Variants in ALDH1A1 observed in about 807,000 individuals in gnomAD.
ALDH1A1 encodes aldehyde dehydrogenase 1A1.
A neutral mutation model predicts 62.1 loss-of-function variants in ALDH1A1; 19 were observed. The ratio of observed to expected loss-of-function variants is 0.31; its 90% confidence interval spans 0.21 to 0.45. The LOEUF is 0.45. ALDH1A1 is among the 20% of genes least tolerant of loss of function. The pLI, the probability that ALDH1A1 is intolerant of heterozygous loss-of-function variation, is 1.00. For missense variants in ALDH1A1, 521 were observed against 607.1 expected (o/e 0.86, Z 1.49); for synonymous variants, 231 against 215.9 (o/e 1.07, Z -0.61).
intron 2 of ALDH1A1, among the ~76,000 whole-genome samples, chr9:72,935,921 C>T (rs1272096501): frequency 2.0e-5 from 3 of 151,956 alleles, no homozygotes; most frequent in Non-Finnish European, 4.4e-5. Context: ...ATACATTTGT[C>T]GGCAAAATTG....
chr9:72,938,899 T>G (rs550433959), intron 2 of ALDH1A1, among the ~76,000 whole-genome samples: 4 of 152,008 alleles, frequency 2.6e-5, no homozygotes, highest in African/African-American at 9.6e-5. Flanking sequence ...CCCACCACCA[T>G]GCCCAGCTAA....
intron 10 of ALDH1A1, among the ~76,000 whole-genome samples, chr9:72,911,266 T>C: frequency 6.6e-6 from 1 of 152,050 alleles, no homozygotes; most frequent in Admixed American, 6.6e-5. Flanking sequence ...AGGGGATGAA[T>C]GCTGTTTTCA....
At chr9:72,927,057 T>C in intron 5 of ALDH1A1, 59 bp downstream of exon 5, 1 of 1,225,766 alleles carries the variant, frequency 8.2e-7, no homozygotes, top group Non-Finnish European at 1.2e-6. Flanking sequence ...AGCTTCATCA[T>C]TAGATAGAAT....
chr9:72,942,985 A>C (rs1218575617), intron 1 of ALDH1A1, among the ~76,000 whole-genome samples: 2 of 152,126 alleles, frequency 1.3e-5, no homozygotes, highest in African/African-American at 4.8e-5. Flanking sequence ...CAAACAAAAA[A>C]CTAAAGATAT....
Position 72,951,265 on chromosome 9 carries a change from T to C in ALDH1A1, c.66+1670A>G, listed in dbSNP as rs573452568. On this transcript the variant is annotated intron_variant, in intron 1 of 12. Transcript: ENST00000297785. ...TCAATCTCAAAATCATCTCTCTGTG[T>C]TAAGGGTTCATTAGGTCTGTGCTTG... is the stretch of plus-strand genomic sequence containing the variant. 3.3e-5 allele frequency among the ~76,000 whole-genome samples: 5 copies of C among 151,978 alleles called. No homozygotes were observed. In the South Asian group the frequency reaches 1.0e-3, roughly 31 times the overall value.
Position 72,916,930 on chromosome 9 carries a change from T to C in ALDH1A1, c.1025A>G (p.Gln342Arg). Reference protein sequence around the residue: ...LGNPLTPGVTQGPQIDKEQYD... With the variant: ...LGNPLTPGVTRGPQIDKEQYD... Reference sequence around the variant, plus strand: ...CTATTTTATACTTACCTGAGGGCCTTGAGTGACTCCTGGGGTCAGAGGATT... The same window carrying C: ...CTATTTTATACTTACCTGAGGGCCTCGAGTGACTCCTGGGGTCAGAGGATT... The change falls in exon 9 of 13, where the codon CAA becomes CGA. Residue 342 changes from glutamine to arginine, a missense_variant. Physicochemically the swap from Gln to Arg is conservative, Grantham distance 43. Coordinates refer to ENST00000297785, the MANE Select transcript of ALDH1A1 (RefSeq NM_000689.5). 1 of 1,609,930 alleles carries C rather than the reference T, an allele frequency of 6.2e-7. No homozygotes were observed. The highest frequency in any genetic ancestry group is 1.7e-5 in the Admixed American group (1 of 59,618).
chr9:72,927,246 G>T, intron 4 of ALDH1A1, 69 bp from the exon 5 acceptor site: 1 of 1,165,416 alleles, frequency 8.6e-7, no homozygotes, highest in Non-Finnish European at 1.3e-6. Flanking sequence ...GGTGGTTGGT[G>T]ATGTGAGAGA....
chr9:72,905,049 G>T (rs1203985092), intron 12 of ALDH1A1, among the ~76,000 whole-genome samples: 1 of 152,062 alleles, frequency 6.6e-6, no homozygotes, highest in Non-Finnish European at 1.5e-5. Flanking sequence ...TTGCTGATTT[G>T]TTAGAGTACG....
chr9:72,952,880 A>AT, intron 1 of ALDH1A1, 55 bp downstream of exon 1: 1 of 1,597,254 alleles, frequency 6.3e-7, no homozygotes, highest in African/African-American at 1.3e-5. Flanking sequence ...AATGCTTTAC[A>AT]TAAATGCAGT....
intron 12 of ALDH1A1, among the ~76,000 whole-genome samples, chr9:72,903,491 C>T (rs1159771900): frequency 6.6e-6 from 1 of 151,868 alleles, no homozygotes; most frequent in African/African-American, 2.4e-5. Flanking sequence ...AGGTTATCGC[C>T]TGAGTAATAA....
chr9:72,924,962 A>T (rs889352571), intron 6 of ALDH1A1, among the ~76,000 whole-genome samples: 2 of 152,346 alleles, frequency 1.3e-5, no homozygotes, highest in African/African-American at 4.8e-5. Flanking sequence ...GAACAGGAAG[A>T]TAAATGCAGA....
chr9:72,947,105 T>G (rs8187882), intron 1 of ALDH1A1, among the ~76,000 whole-genome samples: 2,016 of 152,038 alleles, frequency 0.013, 11 homozygotes, highest in Middle Eastern at 0.024. Context: ...TTTCTTACAG[T>G]CAGGCAGGTG....
At chr9:72,922,012 A>G (rs1312427781) in intron 7 of ALDH1A1, among the ~76,000 whole-genome samples, 2 of 152,116 alleles carry the variant, frequency 1.3e-5, no homozygotes, top group Admixed American at 6.6e-5. Flanking sequence ...GAAAAGATAC[A>G]TGGAATAATC....
intron 8 of ALDH1A1, among the ~76,000 whole-genome samples, chr9:72,918,150 G>A (rs1254726291): frequency 1.3e-5 from 2 of 152,086 alleles, no homozygotes; most frequent in Non-Finnish European, 2.9e-5. Context: ...ATTCTACTTG[G>A]TAATATAATC....
chr9:72,925,636 G>T, intron 5 of ALDH1A1, 24 bp from the exon 6 acceptor site: 1 of 1,606,690 alleles, frequency 6.2e-7, no homozygotes, highest in Non-Finnish European at 8.5e-7. Flanking sequence ...TGTAACAATA[G>T]ATTCTTTGTA....
intron 1 of ALDH1A1, among the ~76,000 whole-genome samples, chr9:72,944,340 CAG>C (rs1424533633): frequency 1.3e-5 from 2 of 152,036 alleles, no homozygotes; most frequent in African/African-American, 4.8e-5. Flanking sequence ...CTCCCACAAA[CAG>C]AGGCGTTTCA....
intron 12 of ALDH1A1, among the ~76,000 whole-genome samples, chr9:72,904,175 T>G (rs1829843933): frequency 1.3e-5 from 2 of 152,066 alleles, no homozygotes; most frequent in African/African-American, 4.8e-5. Context: ...GGCTAGCAAG[T>G]GGCAGAATTA....
chr9:72,916,005 G>C (rs4744674), intron 9 of ALDH1A1, among the ~76,000 whole-genome samples: 62,826 of 152,000 alleles, frequency 0.41, 14,650 homozygotes, highest in Non-Finnish European at 0.5. Context: ...AGGATTTCTC[G>C]GCAGTTGTCC....
At chr9:72,927,438 A>G (rs1349304960) in intron 4 of ALDH1A1, among the ~76,000 whole-genome samples, 1 of 152,200 alleles carries the variant, frequency 6.6e-6, no homozygotes, top group Non-Finnish European at 1.5e-5. Flanking sequence ...TCGAAATGAT[A>G]GGAACCATAA....
Sources: allele counts gnomAD v4.1 joint callset (sites outside exome capture counted in the v4.1 genomes callset), GRCh38; gene constraint gnomAD v4.1.1; transcripts MANE v1.5; gene names NCBI Gene and HGNC (gene_info 2026-07-23, HGNC 2026-07-21).